The following SPMIP4 variants were observed in gnomAD, a reference collection of about 807,000 sequenced individuals.
SPMIP4 encodes sperm microtubule inner protein 4.
At chr7:25,139,672 A>C in the SPMIP4 span, among the ~76,000 whole-genome samples, 2 of 152,188 alleles carry the variant, frequency 1.3e-5, no homozygotes, top group Non-Finnish European at 2.9e-5. Context: ...AGTTTGAGTA[A>C]ATACTGTGAT....
At chr7:25,147,977 A>G in the SPMIP4 span, among the ~76,000 whole-genome samples, 3 of 152,162 alleles carry the variant, frequency 2.0e-5, no homozygotes, top group Non-Finnish European at 4.4e-5. Flanking sequence ...GCTTGGAGGG[A>G]AAGTACTAAC....
chr7:25,178,236 C>CT, the SPMIP4 span, among the ~76,000 whole-genome samples: 2 of 152,218 alleles, frequency 1.3e-5, no homozygotes, highest in Non-Finnish European at 2.9e-5. Context: ...GATTCCATGT[C>CT]TTTGCTATTG....
chr7:25,136,196 C>T, the SPMIP4 span: 1 of 1,614,166 alleles, frequency 6.2e-7, no homozygotes, highest in Middle Eastern at 1.6e-4. The surrounding 1 kb of genome is among the most constrained non-coding windows in gnomAD (Gnocchi z 5.7). Context: ...TCATTGTTTT[C>T]CATATTCAAG....
At chr7:25,177,793 A>G in the SPMIP4 span, among the ~76,000 whole-genome samples, 1 of 152,210 alleles carries the variant, frequency 6.6e-6, no homozygotes. Flanking sequence ...AATTATTTTC[A>G]TTGTAATTTT....
the SPMIP4 span, chr7:25,134,876 T>C: frequency 8.1e-6 from 8 of 985,422 alleles, no homozygotes; most frequent in Non-Finnish European, 9.6e-6. Context: ...GTTGCTCCGA[T>C]TTCCCCAGTA....
the SPMIP4 span, among the ~76,000 whole-genome samples, chr7:25,128,662 A>T: frequency 6.6e-6 from 1 of 151,952 alleles, no homozygotes; most frequent in South Asian, 2.1e-4. This position sits in a 1 kb window ranked among gnomAD's most constrained non-coding sequence, Gnocchi z 4.5. Flanking sequence ...GGAATCAGGG[A>T]CTCCAGGAGC....
At chr7:25,167,620 G>T in the SPMIP4 span, among the ~76,000 whole-genome samples, 28,622 of 152,070 alleles carry the variant, frequency 0.19, 3,983 homozygotes, top group African/African-American at 0.39. Context: ...TGGCTTGTCT[G>T]CCTTAATTTA....
chr7:25,156,268 G>C, the SPMIP4 span, among the ~76,000 whole-genome samples: 1 of 152,124 alleles, frequency 6.6e-6, no homozygotes, highest in Admixed American at 6.5e-5. Context: ...GCACGGGACA[G>C]AGTCTCTATC....
At chr7:25,166,597 A>G in the SPMIP4 span, among the ~76,000 whole-genome samples, 585 of 151,936 alleles carry the variant, frequency 3.9e-3, 4 homozygotes, top group Middle Eastern at 0.024. Flanking sequence ...AAAAATAAAA[A>G]CAGGATTGGC....
the SPMIP4 span, among the ~76,000 whole-genome samples, chr7:25,173,782 C>T: frequency 6.6e-6 from 1 of 152,144 alleles, no homozygotes. The surrounding 1 kb of genome is among the most constrained non-coding windows in gnomAD (Gnocchi z 4.4). Flanking sequence ...ATCTGACCCC[C>T]GTATATTACA....
the SPMIP4 span, among the ~76,000 whole-genome samples, chr7:25,170,843 G>C: frequency 1.3e-5 from 2 of 152,202 alleles, no homozygotes; most frequent in Non-Finnish European, 2.9e-5. Context: ...TTCAGAAATG[G>C]AGAGTATTGT....
the SPMIP4 span, chr7:25,179,197 G>T: frequency 1.2e-6 from 2 of 1,610,014 alleles, no homozygotes; most frequent in Non-Finnish European, 1.7e-6. Flanking sequence ...GCAGTTGGGC[G>T]AGTAACCGTC....
chr7:25,131,105 C>A, the SPMIP4 span, among the ~76,000 whole-genome samples: 1 of 152,196 alleles, frequency 6.6e-6, no homozygotes, highest in Non-Finnish European at 1.5e-5. The surrounding 1 kb of genome is among the most constrained non-coding windows in gnomAD (Gnocchi z 4.2). Flanking sequence ...CCTGTCAGAT[C>A]AATGGTGGCA....
At chr7:25,144,575 G>T in the SPMIP4 span, among the ~76,000 whole-genome samples, 2 of 152,244 alleles carry the variant, frequency 1.3e-5, no homozygotes, top group African/African-American at 4.8e-5. Flanking sequence ...AAGGGCCTAG[G>T]ATTGGGTTTA....
At chr7:25,162,678 C>A in the SPMIP4 span, among the ~76,000 whole-genome samples, 10 of 152,068 alleles carry the variant, frequency 6.6e-5, no homozygotes, top group Non-Finnish European at 1.2e-4. Flanking sequence ...TTAGACACTA[C>A]CATGACAATA....
the SPMIP4 span, among the ~76,000 whole-genome samples, chr7:25,151,364 G>GGTAT: frequency 6.6e-5 from 10 of 151,894 alleles, no homozygotes; most frequent in Admixed American, 2.6e-4. Context: ...TAGGACTACA[G>GGTAT]GTATGCACCA....
At chr7:25,156,202 T>C in the SPMIP4 span, among the ~76,000 whole-genome samples, 1 of 151,998 alleles carries the variant, frequency 6.6e-6, no homozygotes, top group African/African-American at 2.4e-5. Flanking sequence ...GGATGATGCA[T>C]CTACAAGCCA....
the SPMIP4 span, among the ~76,000 whole-genome samples, chr7:25,148,477 C>CTTTTTTTTTTTTTTTTTTTTTTTTT: frequency 7.8e-6 from 1 of 128,186 alleles, no homozygotes; most frequent in Non-Finnish European, 1.6e-5. Flanking sequence ...GAATCTGCCT[C>CTTTTTTTTTTTTTTTTTTTTTTTTT]TTTTTTTTTT....
chr7:25,136,945 T>C, the SPMIP4 span: 1 of 770,974 alleles, frequency 1.3e-6, no homozygotes, highest in East Asian at 2.6e-5. This position sits in a 1 kb window ranked among gnomAD's most constrained non-coding sequence, Gnocchi z 5.7. Flanking sequence ...TTTAAAGACA[T>C]TGAAATTTGG....
Sources: gnomAD v4.1 joint callset for allele counts (sites outside exome capture counted in the v4.1 genomes callset) on GRCh38, gnomAD v4.1.1 for gene constraint, Gnocchi (gnomAD v3.1) non-coding constraint, MANE v1.5 for transcripts, NCBI Gene and HGNC (gene_info 2026-07-23, HGNC 2026-07-21) for gene names.